SLC4A11: variants seen among roughly 807,000 people sequenced by gnomAD.
The protein encoded by SLC4A11 is solute carrier family 4 member 11.
A neutral mutation model predicts 95.0 loss-of-function variants in SLC4A11; 74 were observed. That is an observed-to-expected ratio of 0.78 (90% CI 0.65 to 0.95). The LOEUF is 0.95. Among genes scored for constraint, SLC4A11 ranks in the 40% least tolerant of loss-of-function variants. The pLI is 0.00. For missense variants in SLC4A11, 1,081 were observed against 1,192.4 expected, an observed-to-expected ratio of 0.91 and a Z score of 1.38; for synonymous variants, 548 against 519.0, an observed-to-expected ratio of 1.06 and a Z score of -0.76.
intron 6 of SLC4A11, 90 bp from the exon 7 acceptor site, chr20:3,233,727 C>A (rs1205576862): frequency 2.5e-6 from 4 of 1,585,382 alleles, no homozygotes; most frequent in Non-Finnish European, 3.4e-6. Context: ...TGACCCCTGG[C>A]GACCTCTGCT....
In SLC4A11 at chr20:3,229,435, C is replaced by T; in HGVS notation, c.1760G>A (p.Cys587Tyr). 1.9e-6 allele frequency: 3 copies of T among 1,613,266 alleles called. No individual in the cohort carries two copies. Among genetic ancestry groups the T allele is most frequent in the Non-Finnish European group, 2.5e-6 (3 of 1,180,002 alleles). The change falls in exon 15 of 20, where the codon TGC (cysteine) becomes TAC (tyrosine). Residue 587 changes from cysteine to tyrosine, a missense_variant. Around this residue, in one of 3 missense-constraint regions of SLC4A11, gnomAD observed 767 missense variants for 858.0 expected, o/e 0.89. Transcript: ENST00000642402. ...GCAGTCGGACAGGATCTCTCGCACG[C>T]AGGGGTGCAGGTAGGGGCTGGGGAC... Reference protein sequence around the residue: ...QFKKSPYLHPCVREILSDCAL... With the variant: ...QFKKSPYLHPYVREILSDCAL...
rs756453686 is a variant in SLC4A11 at position 3,234,346 on chromosome 20, G to A, written c.292-32C>T. 3.1e-6 allele frequency: 5 copies of A among 1,595,242 alleles called. No homozygotes were observed. The highest frequency in any genetic ancestry group is 4.3e-6 in the Non-Finnish European group (5 of 1,165,120). On this transcript the variant is annotated intron_variant, in intron 4 of 19. Coordinates refer to ENST00000642402, the MANE Select transcript of SLC4A11 (RefSeq NM_001174089.2). This position sits in a 1 kb window ranked among gnomAD's most constrained non-coding sequence, Gnocchi z 5.8. ...GGACCCCAGGGACAGAACCACACGG[G>A]CCCATGTATGAGATGCTGTCACTGC...
Position 3,234,064 on chromosome 20 carries a change from G to C in SLC4A11, c.523+19C>G. The stretch of plus-strand genomic sequence containing the variant: ...AGCCCCTCCCAACGCCCCCGCCCGG[G>C]CCGGGAGACCGGCCTCACCTTTACC... On this transcript the variant is annotated intron_variant, in intron 5 of 19. Transcript: ENST00000642402. The surrounding 1 kb of genome is among the most constrained non-coding windows in gnomAD (Gnocchi z 5.8). 6.2e-7 allele frequency: 1 copy of C among 1,613,722 alleles called. No individual in the cohort carries two copies. The highest frequency in any genetic ancestry group is 8.5e-7 in the Non-Finnish European group (1 of 1,179,968).
At chr20:3,233,369 T>G in intron 7 of SLC4A11, 145 bp downstream of exon 7, 1 of 1,223,954 alleles carries the variant, frequency 8.2e-7, no homozygotes, top group Admixed American at 1.9e-5. Context: ...TAGCAACATG[T>G]TTCTGACACA....
Position 3,234,351 on chromosome 20 carries a change from T to C in SLC4A11, c.292-37A>G, listed in dbSNP as rs1367368437. On this transcript the variant is annotated intron_variant, in intron 4 of 19. Transcript: ENST00000642402. This position sits in a 1 kb window ranked among gnomAD's most constrained non-coding sequence, Gnocchi z 5.8. ...CCAGGGACAGAACCACACGGGCCCA[T>C]GTATGAGATGCTGTCACTGCCTGGT... 1 of 1,587,494 alleles carries C rather than the reference T, an allele frequency of 6.3e-7. No individual in the cohort carries two copies. The highest frequency in any genetic ancestry group is 1.7e-5 in the Admixed American group (1 of 59,712).
In SLC4A11 at chr20:3,229,343, C is replaced by T; in HGVS notation, c.1849+3G>A. 6.2e-7 allele frequency: 1 copy of T among 1,613,266 alleles called. No homozygotes were observed. The highest frequency in any genetic ancestry group is 8.5e-7 in the Non-Finnish European group (1 of 1,180,018). Reference sequence around the variant, plus strand: ...CGTCACCCACCGCCCGGCCCCAACTCACTCTCGATTTCCCGGAAGCCATGG... The same window carrying T: ...CGTCACCCACCGCCCGGCCCCAACTTACTCTCGATTTCCCGGAAGCCATGG... On this transcript the variant is annotated splice_donor_region_variant and intron_variant, in intron 15 of 19. Transcript: ENST00000642402.
In SLC4A11 at chr20:3,234,979, C is replaced by A; in HGVS notation, c.89-85G>T. On this transcript the variant is annotated intron_variant, in intron 2 of 19. Coordinates refer to ENST00000642402, the MANE Select transcript of SLC4A11 (RefSeq NM_001174089.2). The surrounding 1 kb of genome is among the most constrained non-coding windows in gnomAD (Gnocchi z 5.8). ...GGCTCCAAGCCCAGGGAGCAGGGAC[C>A]CCTGGACTGTCCCACTCTCGGGCCG... is the stretch of plus-strand genomic sequence containing the variant. The A allele has an allele frequency of 7.7e-6, 12 of 1,561,648 alleles. No individual in the cohort carries two copies. The highest frequency in any genetic ancestry group is 1.1e-5 in the South Asian group (1 of 89,738).
At position 3,231,490 on chromosome 20, in the gene SLC4A11, A is replaced by G; in HGVS notation, c.788T>C (p.Ile263Thr). ...CTCCAGGAGCTTCTGGCGGAAGGCG[A>G]TATCCGAGAACATGGTGGCAAACGT... ...ARTFATMFSD[I>T]AFRQKLLETR... Residue 263 changes from isoleucine (I) to threonine (T), a missense_variant, in exon 8 of 20, where the codon ATC (isoleucine) becomes ACC (threonine). Ile to Thr is a moderately conservative substitution (Grantham distance 89). Coordinates refer to ENST00000642402, the MANE Select transcript of SLC4A11 (RefSeq NM_001174089.2). This position sits in a 1 kb window ranked among gnomAD's most constrained non-coding sequence, Gnocchi z 5.2. The G allele has an allele frequency of 6.2e-7, 1 of 1,613,914 alleles. No homozygotes were observed. The highest frequency in any genetic ancestry group is 8.5e-7 in the Non-Finnish European group (1 of 1,180,000).
chr20:3,230,399 C>G (rs1227594432), intron 12 of SLC4A11, 116 bp downstream of exon 12: 6 of 1,587,334 alleles, frequency 3.8e-6, no homozygotes, highest in Non-Finnish European at 5.2e-6. Flanking sequence ...CTGAGCCCAC[C>G]CCAGCCCCTT....
rs2067684691 is a variant in SLC4A11, at chr20:3,229,652, G to A, written c.1614C>T (p.Ala538=). The A allele has an allele frequency of 6.2e-7, 1 of 1,613,788 alleles. No homozygotes were observed. ...LNASLHTALN[A]SFLASPTELP... is the part of the protein sequence containing the mutation. ...GCTCCGTGGGGCTGGCGAGGAAGCT[G>A]GCGTTGAGGGCAGTGTGGAGGCTGG... The change falls in exon 14 of 20, where the codon GCC becomes GCT. Residue 538 remains alanine (A), a synonymous_variant. Coordinates refer to ENST00000642402, the MANE Select transcript of SLC4A11 (RefSeq NM_001174089.2).
rs780346984 is a variant in SLC4A11 at position 3,234,573 on chromosome 20, G to T, written c.286C>A (p.Arg96=). Residue 96 remains arginine (R), a synonymous_variant, in exon 4 of 20, where the codon CGA becomes AGA. Transcript: ENST00000642402. This position sits in a 1 kb window ranked among gnomAD's most constrained non-coding sequence, Gnocchi z 5.8. Reference sequence around the variant, plus strand: ...CTGCAGGACAGGCCATTCACCTTTCGGGAGGTGTGCAGGAGCACACAGCCA... The same window carrying T: ...CTGCAGGACAGGCCATTCACCTTTCTGGAGGTGTGCAGGAGCACACAGCCA... ...SGGCVLLHTS[R]KYLKLKNFKE... is the part of the protein sequence containing the mutation. 2 of 1,613,774 alleles carry T rather than the reference G, an allele frequency of 1.2e-6. No homozygotes were observed. Among genetic ancestry groups the T allele is most frequent in the East Asian group, 2.2e-5 (1 of 44,850 alleles).
chr20:3,235,568 TG>T (rs542114377), intron 2 of SLC4A11, among the ~76,000 whole-genome samples: 9 of 151,966 alleles, frequency 5.9e-5, no homozygotes, highest in Non-Finnish European at 1.2e-4. Flanking sequence ...CTGGGGGCCC[TG>T]GGTAAGGGCA....
rs767868416 is a variant in SLC4A11, at chr20:3,234,051, C to T, written c.523+32G>A. The T allele has an allele frequency of 3.3e-5, 54 of 1,613,620 alleles. No homozygotes were observed. The highest frequency in any genetic ancestry group is 1.7e-4 in the Middle Eastern group (1 of 6,058). On this transcript the variant is annotated intron_variant, in intron 5 of 19. Transcript: ENST00000642402. This position sits in a 1 kb window ranked among gnomAD's most constrained non-coding sequence, Gnocchi z 5.8. ...GTGGTGGGTCAACAGCCCCTCCCAA[C>T]GCCCCCGCCCGGGCCGGGAGACCGG...
Position 3,229,031 on chromosome 20 carries a change from G to A in SLC4A11, c.2019-20C>T, listed in dbSNP as rs756106868. 43 of 1,609,312 alleles carry A rather than the reference G, an allele frequency of 2.7e-5. No homozygotes were observed. Among genetic ancestry groups the A allele is most frequent in the South Asian group, 2.2e-4 (20 of 90,478 alleles). ...ACCAGCCTGCAGCAGACGGGCACTC[G>A]TGGACAGAGCCCCACAGCAGAGGCC... On this transcript the variant is annotated intron_variant, in intron 16 of 19. Coordinates refer to ENST00000642402, the MANE Select transcript of SLC4A11 (RefSeq NM_001174089.2).
chr20:3,236,581 TCAAAACAAAACAAAA>T lies in SLC4A11; in HGVS notation c.88+948_88+962del, dbSNP rs59236399. On this transcript the variant is annotated intron_variant, in intron 2 of 19. Transcript: ENST00000642402. ...TCCAGCCTGGGCGACAGAGCGAGAC[TCAAAACAAAACAAAA>T]CAAAACAAAACAAAACAAAAGACGT... 6.6e-5 allele frequency among the ~76,000 whole-genome samples: 10 copies of T among 150,378 alleles called. No homozygotes were observed. In the South Asian group the frequency reaches 1.1e-3, roughly 16 times the overall value.
chr20:3,239,349 C>A, upstream of SLC4A11: 1 of 1,141,152 alleles, frequency 8.8e-7, no homozygotes, highest in Non-Finnish European at 1.1e-6. Flanking sequence ...CGCCCTCACC[C>A]GCGGGAGGCT....
chr20:3,238,804 C>A, intron 1 of SLC4A11: 1 of 1,157,332 alleles, frequency 8.6e-7, no homozygotes, highest in Non-Finnish European at 1.1e-6. Flanking sequence ...TGCCCACTTT[C>A]GAGCTCCCCG....
chr20:3,231,194 C>T lies in SLC4A11; in HGVS notation c.997G>A (p.Asp333Asn). ...TACAAGGGGAACCTGCGTGCGATGT[C>T]CTCCCGGATGCCCTTCCCAAAAGGG... ...FVPFGKGIREDIARRFPLYPL... is the reference protein window; with the variant it reads ...FVPFGKGIRENIARRFPLYPL... The change falls in exon 9 of 20, where the codon GAC becomes AAC. Residue 333 changes from aspartate (D) to asparagine (N), a missense_variant. Asp to Asn is a conservative substitution (Grantham distance 23). Coordinates refer to ENST00000642402, the MANE Select transcript of SLC4A11 (RefSeq NM_001174089.2). The surrounding 1 kb of genome is among the most constrained non-coding windows in gnomAD (Gnocchi z 5.2). The T allele has an allele frequency of 6.2e-7, 1 of 1,614,040 alleles. No individual in the cohort carries two copies. Among genetic ancestry groups the T allele is most frequent in the Non-Finnish European group, 8.5e-7 (1 of 1,179,976 alleles).
intron 1 of SLC4A11, chr20:3,237,996 A>G: frequency 1.3e-6 from 2 of 1,547,724 alleles, no homozygotes. Flanking sequence ...TCGGATGCCA[A>G]GGCGGGGGAT....
Sources: gnomAD v4.1 joint callset for allele counts (sites outside exome capture counted in the v4.1 genomes callset) on GRCh38, gnomAD v4.1.1 for gene constraint, gnomAD v4.1.1 regional missense constraint, Gnocchi (gnomAD v3.1) non-coding constraint, MANE v1.5 for transcripts, NCBI Gene and HGNC (gene_info 2026-07-23, HGNC 2026-07-21) for gene names.